The following AGBL4 variants were observed in gnomAD, a reference collection of about 807,000 sequenced individuals.
AGBL4 encodes AGBL carboxypeptidase 4.
In AGBL4, 58 loss-of-function variants were observed where a neutral mutation model predicts 66.4. The ratio of observed to expected loss-of-function variants is 0.87; its 90% CI spans 0.71 to 1.09. AGBL4 has a LOEUF of 1.09. Among genes scored for constraint, AGBL4 ranks in the 50% least tolerant of loss-of-function variants. The probability of loss-of-function intolerance (pLI) is 0.00; values close to 1 mark genes in which losing one functional copy is unlikely to be tolerated. For synonymous variants in AGBL4, 234 were observed against 222.9 expected (o/e 1.05, Z -0.44); for missense variants, 579 against 631.0 (o/e 0.92, Z 0.88).
intron 4 of AGBL4, among the ~76,000 whole-genome samples, chr1:49,217,664 G>A (rs1442063742): frequency 6.6e-6 from 1 of 152,066 alleles, no homozygotes; most frequent in Non-Finnish European, 1.5e-5. Flanking sequence ...ATTGTGCCTG[G>A]AACATAATAC....
rs752041153 is a variant in AGBL4, at chr1:48,689,403, ACCTT to A, written c.635-26166_635-26163del. Among the ~76,000 whole-genome samples the A allele has an allele frequency of 9.2e-3, 1,317 of 143,484 alleles. 44 individuals are homozygous for A. The highest frequency in any genetic ancestry group is 0.059 in the Admixed American group (865 of 14,650). 94.1% of individuals were successfully genotyped at this position (143,484 alleles called of 152,430 possible). On this transcript the variant is annotated intron_variant, in intron 6 of 13. Transcript: ENST00000371839. ...TACCTACCTACCTACCTACCTACCTACCTTCCTTCCTTCCTTCCTTCCTTTCTTC... is the reference window on the plus strand; with the variant it reads ...TACCTACCTACCTACCTACCTACCTACCTTCCTTCCTTCCTTCCTTTCTTC...
intron 4 of AGBL4, among the ~76,000 whole-genome samples, chr1:49,153,096 C>T (rs1275225194): frequency 6.6e-6 from 1 of 152,032 alleles, no homozygotes; most frequent in Admixed American, 6.6e-5. Flanking sequence ...ACGTTTGGGG[C>T]TTTGATACCA....
At chr1:49,834,509 T>G (rs1292988301) in intron 2 of AGBL4, among the ~76,000 whole-genome samples, 1 of 152,202 alleles carries the variant, frequency 6.6e-6, no homozygotes, top group East Asian at 1.9e-4. Context: ...GTCTACCTAT[T>G]CTGTTAATCT....
At chr1:49,032,677 C>T (rs1664326963) in intron 5 of AGBL4, among the ~76,000 whole-genome samples, 1 of 152,102 alleles carries the variant, frequency 6.6e-6, no homozygotes, top group South Asian at 2.1e-4. Flanking sequence ...CTGTTCACCT[C>T]ATATGTTGTA....
At chr1:49,991,105 C>A (rs1659908579) in intron 1 of AGBL4, among the ~76,000 whole-genome samples, 1 of 152,050 alleles carries the variant, frequency 6.6e-6, no homozygotes, top group South Asian at 2.1e-4. Context: ...CCCAGTGAAG[C>A]CAAACAGGGA....
chr1:49,561,266 T>G (rs942815068), intron 3 of AGBL4, among the ~76,000 whole-genome samples: 2 of 151,710 alleles, frequency 1.3e-5, no homozygotes, highest in African/African-American at 2.4e-5. Flanking sequence ...AATTGTATAT[T>G]TTTTGCTTTT....
chr1:49,078,876 T>C (rs560192100), intron 4 of AGBL4, among the ~76,000 whole-genome samples: 3 of 152,332 alleles, frequency 2.0e-5, no homozygotes, highest in Admixed American at 2.0e-4. Flanking sequence ...TCACTTTGCT[T>C]GTTGTACATC....
chr1:49,599,568 T>G (rs979290006), intron 3 of AGBL4, among the ~76,000 whole-genome samples: 23 of 152,244 alleles, frequency 1.5e-4, no homozygotes, highest in Admixed American at 7.2e-4. Context: ...AAAACCAGCT[T>G]TTAATTCATT....
chr1:48,699,731 G>T (rs866991790), intron 6 of AGBL4, among the ~76,000 whole-genome samples: 27 of 152,230 alleles, frequency 1.8e-4, no homozygotes, highest in Admixed American at 7.2e-4. Context: ...TCCACAAAGG[G>T]TGAAGTTTTC....
rs961433691 is a variant in AGBL4, at chr1:49,747,934, GTGTGTGTGTT to G, written c.158-50507_158-50498del. The stretch of plus-strand genomic sequence containing the variant: ...CAAAGAAACAGAACCAATAAAAGGA[GTGTGTGTGTT>G]TGTGTGTGTGTGTGTGTGTGTGTGT... On this transcript the variant is annotated intron_variant, in intron 2 of 13. Transcript: ENST00000371839. Among the ~76,000 whole-genome samples, 8 of 112,866 alleles carry G rather than the reference GTGTGTGTGTT, an allele frequency of 7.1e-5. No homozygotes were observed. The Admixed American group carries it at 7.7e-4, about 11-fold the overall frequency. 74.0% of individuals were successfully genotyped at this position (112,866 alleles called of 152,430 possible). A position where few individuals can be genotyped will look rare whatever the true frequency, so the allele number is the denominator to read the frequency against.
chr1:48,767,784 A>C (rs893148925), intron 6 of AGBL4, among the ~76,000 whole-genome samples: 1 of 152,214 alleles, frequency 6.6e-6, no homozygotes, highest in Non-Finnish European at 1.5e-5. Flanking sequence ...TAAAATCACC[A>C]ATCTTCACTT....
chr1:48,797,084 A>C (rs1341982066), intron 6 of AGBL4, among the ~76,000 whole-genome samples: 3 of 152,212 alleles, frequency 2.0e-5, no homozygotes, highest in Non-Finnish European at 2.9e-5. Context: ...CCTTACGTGA[A>C]GTTTGATGGT....
rs180789982 is a variant in AGBL4 at position 49,929,850 on chromosome 1, C to T, written c.35-78332G>A. On this transcript the variant is annotated intron_variant, in intron 1 of 13. Coordinates refer to ENST00000371839, the MANE Select transcript of AGBL4 (RefSeq NM_032785.4). ...TCATAACAATAGCACAAAGGTCAGA[C>T]GGATAAAAATTGAATTATAATACTC... Among the ~76,000 whole-genome samples, 268 of 152,016 alleles carry T rather than the reference C, an allele frequency of 1.8e-3. 1 individual carries two copies. Among genetic ancestry groups the T allele is most frequent in the African/African-American group, 5.4e-3 (226 of 41,508 alleles).
intron 5 of AGBL4, among the ~76,000 whole-genome samples, chr1:48,913,800 G>A (rs1653355549): frequency 6.6e-6 from 1 of 152,186 alleles, no homozygotes; most frequent in African/African-American, 2.4e-5. Flanking sequence ...GACCTAGTCT[G>A]TGGAAAAGTT....
intron 1 of AGBL4, among the ~76,000 whole-genome samples, chr1:49,989,321 AT>A (rs1197102955): frequency 6.6e-6 from 1 of 152,178 alleles, no homozygotes; most frequent in Non-Finnish European, 1.5e-5. Context: ...CTGCAGCCTA[AT>A]GCCCTAATCA....
chr1:49,160,484 C>T (rs756547919), intron 4 of AGBL4, among the ~76,000 whole-genome samples: 8 of 152,132 alleles, frequency 5.3e-5, no homozygotes, highest in East Asian at 1.9e-4. Flanking sequence ...GTGTCTGGGT[C>T]GGTCCCTACT....
intron 2 of AGBL4, among the ~76,000 whole-genome samples, chr1:49,802,933 C>T (rs758325268): frequency 6.6e-6 from 1 of 152,120 alleles, no homozygotes; most frequent in African/African-American, 2.4e-5. Flanking sequence ...TAAAAATAAA[C>T]TTTTCATTTG....
At chr1:48,767,358 C>T (rs1408121800) in intron 6 of AGBL4, among the ~76,000 whole-genome samples, 1 of 152,224 alleles carries the variant, frequency 6.6e-6, no homozygotes, top group Non-Finnish European at 1.5e-5. Context: ...TTAGGCTACC[C>T]TTGTGTATTA....
At chr1:49,248,561 T>C (rs1651814401) in intron 3 of AGBL4, among the ~76,000 whole-genome samples, 2 of 151,962 alleles carry the variant, frequency 1.3e-5, no homozygotes, top group Non-Finnish European at 2.9e-5. Flanking sequence ...TTATAGACTT[T>C]TTAGCCAGTT....
Sources: gnomAD v4.1 joint callset for allele counts (sites outside exome capture counted in the v4.1 genomes callset) on GRCh38, gnomAD v4.1.1 for gene constraint, MANE v1.5 for transcripts, NCBI Gene and HGNC (gene_info 2026-07-23, HGNC 2026-07-21) for gene names.